The following DCC variants were observed in gnomAD, a reference collection of about 807,000 sequenced individuals.
DCC encodes the protein netrin receptor DCC.
Under a neutral mutation model 172.5 loss-of-function variants are expected in DCC, and 58 were observed. The observed-to-expected ratio is 0.34, with a 90% CI of 0.27 to 0.42. The LOEUF (loss-of-function observed/expected upper bound fraction) is 0.42, where lower values mean the gene tolerates loss of function less well. DCC is among the 10% of genes least tolerant of loss of function. DCC has a pLI of 1.00. For synonymous variants in DCC, 709 were observed against 644.5 expected (o/e 1.10, Z -1.52); for missense variants, 1,740 against 1,791.0 (o/e 0.97, Z 0.51).
At chr18:53,011,208 G>C (rs1176422112) in intron 5 of DCC, among the ~76,000 whole-genome samples, 1 of 151,520 alleles carries the variant, frequency 6.6e-6, no homozygotes, top group East Asian at 1.9e-4. Flanking sequence ...TTGTGTTTAA[G>C]TGTGATTAAA....
intron 19 of DCC, among the ~76,000 whole-genome samples, chr18:53,403,557 G>A (rs1249072177): frequency 1.3e-5 from 2 of 152,094 alleles, no homozygotes; most frequent in African/African-American, 2.4e-5. Context: ...CAGAGATTTT[G>A]CATTTAAATG....
chr18:52,727,002 G>T (rs181856284), intron 1 of DCC, among the ~76,000 whole-genome samples: 2 of 152,280 alleles, frequency 1.3e-5, no homozygotes, highest in East Asian at 3.9e-4. Flanking sequence ...ATCTCTGGAT[G>T]TTTTCTAAGA....
rs551986797 is a variant in DCC at position 52,518,273 on chromosome 18, G to A, written c.91+177395G>A. 3.9e-5 allele frequency among the ~76,000 whole-genome samples: 6 copies of A among 152,296 alleles called. No individual in the cohort carries two copies. The East Asian group carries it at 5.8e-4, about 15-fold the overall frequency. On this transcript the variant is annotated intron_variant, in intron 1 of 28. Coordinates refer to ENST00000442544, the MANE Select transcript of DCC (RefSeq NM_005215.4). ...ATGAGCCCTCTAGGTCTGAGATTCC[G>A]TAAGAAAAAGCCATTGCCATGTGCT...
chr18:53,384,313 A>T (rs1190542963), intron 15 of DCC, among the ~76,000 whole-genome samples: 2 of 152,176 alleles, frequency 1.3e-5, no homozygotes, highest in Non-Finnish European at 2.9e-5. Flanking sequence ...TGTTATATAA[A>T]GCCTGATAAT....
intron 7 of DCC, among the ~76,000 whole-genome samples, chr18:53,108,162 C>T (rs1023511224): frequency 2.9e-4 from 29 of 99,636 alleles, no homozygotes; most frequent in African/African-American, 8.3e-4. Flanking sequence ...GAAGAATGCA[C>T]GTAAAGACAT....
At chr18:52,632,438 A>C (rs2034694794) in intron 1 of DCC, among the ~76,000 whole-genome samples, 1 of 152,206 alleles carries the variant, frequency 6.6e-6, no homozygotes, top group Non-Finnish European at 1.5e-5. Flanking sequence ...TTGCATGCGT[A>C]ATAAAGCACC....
In DCC at chr18:53,428,749, TTA is replaced by T. The variant is rs1263777865; in HGVS notation, c.3164-6388_3164-6387del. ...TATATTATATTATATACTATATATT[TTA>T]TATATAATAAATTATATATTATATA... On this transcript the variant is annotated intron_variant, in intron 21 of 28. Transcript: ENST00000442544. Among the ~76,000 whole-genome samples the T allele has an allele frequency of 3.6e-5, 2 of 56,228 alleles. 1 individual carries two copies. Among genetic ancestry groups the T allele is most frequent in the African/African-American group, 1.2e-4 (2 of 17,342 alleles). The allele number at this position is 56,228 out of a possible 152,430, so 36.9% of individuals were successfully genotyped here.
At position 52,418,460 on chromosome 18, in the gene DCC, G is replaced by A. The variant is rs16954935; in HGVS notation, c.91+77582G>A. ...GGCTTTTCCCTCAGAAGTTACGTAC[G>A]TCCAAAAGGTTTGCAATGGCCAACT... On this transcript the variant is annotated intron_variant, in intron 1 of 28. Transcript: ENST00000442544. Among the ~76,000 whole-genome samples, 549 of 152,236 alleles carry A rather than the reference G, an allele frequency of 3.6e-3. 5 individuals carry two copies. Among genetic ancestry groups the A allele is most frequent in the African/African-American group, 0.013 (524 of 41,548 alleles).
chr18:53,035,310 A>G (rs1266887714), intron 5 of DCC, among the ~76,000 whole-genome samples: 1 of 152,044 alleles, frequency 6.6e-6, no homozygotes, highest in Non-Finnish European at 1.5e-5. Context: ...CTAAAGTACA[A>G]TATGTGCTCC....
chr18:52,490,044 T>G (rs1352532983), intron 1 of DCC, among the ~76,000 whole-genome samples: 1 of 152,108 alleles, frequency 6.6e-6, no homozygotes, highest in African/African-American at 2.4e-5. Context: ...CCTTCTACGG[T>G]TTTTTGAAGT....
rs1568254120 is a variant in DCC at position 52,610,170 on chromosome 18, AAAAAAAAAATATATATATAT to A, written c.92-141882_92-141863del. ...CTCTCATAAAAAAAAAAAAAAAAAA[AAAAAAAAAATATATATATAT>A]ATATATATATATATATATATATATA... On this transcript the variant is annotated intron_variant, in intron 1 of 28. Coordinates refer to ENST00000442544, the MANE Select transcript of DCC (RefSeq NM_005215.4). Among the ~76,000 whole-genome samples, 71 of 24,542 alleles carry A rather than the reference AAAAAAAAAATATATATATAT, an allele frequency of 2.9e-3. 1 individual carries two copies. The highest frequency in any genetic ancestry group is 4.3e-3 in the Non-Finnish European group (61 of 14,294). The allele number at this position is 24,542 out of a possible 152,430, so 16.1% of individuals were successfully genotyped here.
chr18:52,958,556 A>G (rs1327667709), intron 5 of DCC, among the ~76,000 whole-genome samples: 1 of 152,168 alleles, frequency 6.6e-6, no homozygotes, highest in Admixed American at 6.5e-5. Context: ...AAGTGAGGAA[A>G]TATTTCAAAA....
chr18:53,465,647 C>T (rs1483244856), intron 24 of DCC, among the ~76,000 whole-genome samples: 1 of 152,092 alleles, frequency 6.6e-6, no homozygotes, highest in African/African-American at 2.4e-5. Context: ...TTGGAAATAT[C>T]AGCCAATAAT....
At chr18:53,134,749 T>G (rs116275377) in intron 7 of DCC, among the ~76,000 whole-genome samples, 4 of 152,190 alleles carry the variant, frequency 2.6e-5, no homozygotes, top group African/African-American at 9.6e-5. Context: ...ATTTTGTCCA[T>G]TCACTTGTAC....
At position 52,642,575 on chromosome 18, in the gene DCC, G is replaced by A. The variant is rs374655260; in HGVS notation, c.92-109479G>A. Among the ~76,000 whole-genome samples the A allele has an allele frequency of 9.9e-5, 15 of 151,788 alleles. No homozygotes were observed. In the East Asian group the frequency reaches 2.7e-3, roughly 27 times the overall value. Reference sequence around the variant, plus strand: ...AAAACAATATGCTGTGTACAAATATGGCACTCAGGAAATATTTTTTGCTCA... The same window carrying A: ...AAAACAATATGCTGTGTACAAATATAGCACTCAGGAAATATTTTTTGCTCA... On this transcript the variant is annotated intron_variant, in intron 1 of 28. Coordinates refer to ENST00000442544, the MANE Select transcript of DCC (RefSeq NM_005215.4).
At chr18:52,938,565 A>G (rs1032996729) in intron 5 of DCC, among the ~76,000 whole-genome samples, 1 of 152,156 alleles carries the variant, frequency 6.6e-6, no homozygotes, top group Non-Finnish European at 1.5e-5. Context: ...AATACTAAGA[A>G]AAATATCAAC....
chr18:53,389,275 GAGAAA>G (rs1454031825), intron 16 of DCC, among the ~76,000 whole-genome samples: 1 of 119,360 alleles, frequency 8.4e-6, no homozygotes, highest in Non-Finnish European at 2.1e-5. Flanking sequence ...GTGGTAGGAA[GAGAAA>G]AGAAAAAAGT....
At chr18:53,497,354 T>C (rs975381557) in intron 26 of DCC, among the ~76,000 whole-genome samples, 1 of 152,202 alleles carries the variant, frequency 6.6e-6, no homozygotes, top group Admixed American at 6.5e-5. Flanking sequence ...TCCTAAGCAA[T>C]GCCTGCAATC....
chr18:53,248,231 A>G (rs2056387590), intron 12 of DCC, among the ~76,000 whole-genome samples: 2 of 151,930 alleles, frequency 1.3e-5, no homozygotes, highest in African/African-American at 2.4e-5. Context: ...CTCTTTATGT[A>G]TATGTTGGAA....
Sources: gnomAD v4.1 joint callset for allele counts (sites outside exome capture counted in the v4.1 genomes callset) on GRCh38, gnomAD v4.1.1 for gene constraint, MANE v1.5 for transcripts, NCBI Gene and HGNC (gene_info 2026-07-23, HGNC 2026-07-21) for gene names.